Variants in EXOC4 observed in about 807,000 individuals in gnomAD.
EXOC4 encodes exocyst complex component 4.
A neutral mutation model predicts 107.2 loss-of-function variants in EXOC4; 71 were observed. The ratio of observed to expected loss-of-function variants is 0.66; its 90% CI spans 0.55 to 0.81. EXOC4 has a LOEUF of 0.81. Among genes scored for constraint, EXOC4 ranks in the 30% least tolerant of loss-of-function variants. The pLI, the probability that EXOC4 is intolerant of heterozygous loss-of-function variation, is 0.00. For missense variants in EXOC4, 1,108 were observed against 1,189.6 expected, an observed-to-expected ratio of 0.93 and a Z score of 1.01; for synonymous variants, 456 against 441.2, an observed-to-expected ratio of 1.03 and a Z score of -0.42.
intron 14 of EXOC4, among the ~76,000 whole-genome samples, chr7:133,991,265 T>C (rs558137734): frequency 9.0e-4 from 137 of 152,280 alleles, no homozygotes; most frequent in African/African-American, 3.1e-3. Flanking sequence ...ATAGTCAGAT[T>C]ATTTGTTGTT....
chr7:133,493,892 G>T (rs1053794823), intron 9 of EXOC4, among the ~76,000 whole-genome samples: 1 of 152,102 alleles, frequency 6.6e-6, no homozygotes, highest in Non-Finnish European at 1.5e-5. Context: ...TGATGAACGT[G>T]GCCATTTTTC....
At chr7:134,089,865 A>G in the EXOC4 span, among the ~76,000 whole-genome samples, 101 of 152,260 alleles carry the variant, frequency 6.6e-4, no homozygotes, top group African/African-American at 2.4e-3. Flanking sequence ...CCCAGGCCTT[A>G]TCTAGAATCT....
intron 11 of EXOC4, among the ~76,000 whole-genome samples, chr7:133,877,775 C>T (rs984190150): frequency 6.6e-6 from 1 of 152,180 alleles, no homozygotes; most frequent in African/African-American, 2.4e-5. Context: ...CACATGTGCT[C>T]TCTTTCTCTC....
chr7:133,594,685 G>A (rs1201196081), intron 9 of EXOC4, among the ~76,000 whole-genome samples: 3 of 151,528 alleles, frequency 2.0e-5, no homozygotes, highest in African/African-American at 7.3e-5. Flanking sequence ...GTAGAGATGG[G>A]GTTTCACCAT....
chr7:133,538,899 G>A (rs1426178157), intron 9 of EXOC4, among the ~76,000 whole-genome samples: 1 of 149,320 alleles, frequency 6.7e-6, no homozygotes, highest in Non-Finnish European at 1.5e-5. Context: ...GAGGGAGGGA[G>A]GGAAGGAAGG....
chr7:133,953,990 C>T (rs1026823419), intron 14 of EXOC4, among the ~76,000 whole-genome samples: 21 of 152,204 alleles, frequency 1.4e-4, no homozygotes, highest in African/African-American at 4.8e-4. Context: ...CCCAAGGATT[C>T]CTCAGCAGAG....
At chr7:133,949,090 CTCTT>C (rs1323007433) in intron 14 of EXOC4, among the ~76,000 whole-genome samples, 1 of 152,196 alleles carries the variant, frequency 6.6e-6, no homozygotes, top group Non-Finnish European at 1.5e-5. Flanking sequence ...TTATTTGACT[CTCTT>C]TCAGAAGCTG....
At chr7:133,489,793 C>T (rs1799337605) in intron 9 of EXOC4, among the ~76,000 whole-genome samples, 1 of 152,082 alleles carries the variant, frequency 6.6e-6, no homozygotes, top group Non-Finnish European at 1.5e-5. Context: ...AGAAAGGGAC[C>T]ATAAATGTGT....
chr7:134,095,726 C>T, the EXOC4 span, among the ~76,000 whole-genome samples: 2 of 152,140 alleles, frequency 1.3e-5, no homozygotes, highest in African/African-American at 4.8e-5. Context: ...GGGGAAAAGA[C>T]TTCCTATTCA....
At chr7:133,475,064 T>C (rs1258504371) in intron 7 of EXOC4, among the ~76,000 whole-genome samples, 3 of 152,106 alleles carry the variant, frequency 2.0e-5, no homozygotes, top group Admixed American at 1.3e-4. Flanking sequence ...ATCTAGCACA[T>C]AGTAGATACC....
chr7:133,377,215 G>T (rs1016101767), intron 7 of EXOC4, among the ~76,000 whole-genome samples: 1 of 152,072 alleles, frequency 6.6e-6, no homozygotes, highest in Non-Finnish European at 1.5e-5. Flanking sequence ...TTAGCTGGGC[G>T]TGGTGGCAGG....
At chr7:133,474,910 C>T (rs1798974883) in intron 7 of EXOC4, among the ~76,000 whole-genome samples, 1 of 152,050 alleles carries the variant, frequency 6.6e-6, no homozygotes, top group African/African-American at 2.4e-5. Flanking sequence ...AGAGATAATA[C>T]ATTTTACATG....
intron 10 of EXOC4, among the ~76,000 whole-genome samples, chr7:133,651,061 T>C (rs890014352): frequency 6.0e-5 from 9 of 151,042 alleles, no homozygotes; most frequent in African/African-American, 1.9e-4. Context: ...TTGAATATGT[T>C]CAAAGTACTC....
chr7:133,860,489 T>C (rs1268983450), intron 11 of EXOC4, among the ~76,000 whole-genome samples: 1 of 152,188 alleles, frequency 6.6e-6, no homozygotes, highest in Non-Finnish European at 1.5e-5. Context: ...GATGGCAGTG[T>C]GTGAAAGTGA....
At chr7:134,007,976 C>A in intron 17 of EXOC4, 141 bp downstream of exon 17, 1 of 720,298 alleles carries the variant, frequency 1.4e-6, no homozygotes, top group Non-Finnish European at 2.1e-6. Flanking sequence ...GTTTTTAGGT[C>A]CTATAGAGAA....
At chr7:133,273,061 A>G (rs766002947) in intron 1 of EXOC4, among the ~76,000 whole-genome samples, 12 of 152,208 alleles carry the variant, frequency 7.9e-5, no homozygotes, top group Non-Finnish European at 1.5e-4. Flanking sequence ...TGCTGTTACA[A>G]GGGGAAATAA....
intron 3 of EXOC4, among the ~76,000 whole-genome samples, chr7:133,299,891 G>A (rs937381039): frequency 6.6e-6 from 1 of 152,076 alleles, no homozygotes; most frequent in African/African-American, 2.4e-5. Flanking sequence ...CTTTGTTAAT[G>A]CACCAACAAG....
At chr7:133,917,182 C>T (rs1388060202) in intron 12 of EXOC4, among the ~76,000 whole-genome samples, 1 of 152,206 alleles carries the variant, frequency 6.6e-6, no homozygotes, top group Non-Finnish European at 1.5e-5. Context: ...CCTTTTGTAA[C>T]ACTTCCGTCA....
At chr7:133,929,025 C>T (rs554344872) in intron 13 of EXOC4, among the ~76,000 whole-genome samples, 4 of 146,942 alleles carry the variant, frequency 2.7e-5, no homozygotes, top group South Asian at 2.2e-4. Flanking sequence ...CTCCGCCTCC[C>T]GGGTTCAAGC....
Sources: gnomAD v4.1 joint callset for allele counts (sites outside exome capture counted in the v4.1 genomes callset) on GRCh38, gnomAD v4.1.1 for gene constraint, MANE v1.5 for transcripts, NCBI Gene and HGNC (gene_info 2026-07-23, HGNC 2026-07-21) for gene names.